The following PLB1 variants were observed in gnomAD, a reference collection of about 807,000 sequenced individuals.
PLB1 encodes the protein phospholipase B1, membrane-associated.
PLB1 carries 242 observed loss-of-function variants against 227.4 expected under a neutral mutation model. The observed-to-expected ratio is 1.06, with a 90% confidence interval of 0.96 to 1.18. The LOEUF is 1.18. PLB1 is among the 50% of genes most tolerant of loss of function. The pLI is 0.00. For synonymous variants in PLB1, 757 were observed against 682.2 expected, an observed-to-expected ratio of 1.11 and a Z score of -1.71; for missense variants, 1,858 against 1,816.3, an observed-to-expected ratio of 1.02 and a Z score of -0.42.
intron 43 of PLB1, among the ~76,000 whole-genome samples, chr2:28,610,181 G>A (rs766970845): frequency 4.1e-4 from 63 of 152,074 alleles, no homozygotes; most frequent in Non-Finnish European, 6.8e-4. Flanking sequence ...GTGCCATGGT[G>A]GTTTGCTGTA....
chr2:28,613,290 G>A (rs1232031419), intron 43 of PLB1, among the ~76,000 whole-genome samples: 6 of 152,196 alleles, frequency 3.9e-5, no homozygotes, highest in Admixed American at 3.9e-4. Flanking sequence ...ACTCCACTGA[G>A]CACATTTTGT....
At chr2:28,636,677 C>A (rs1689399248) in intron 56 of PLB1, among the ~76,000 whole-genome samples, 1 of 152,118 alleles carries the variant, frequency 6.6e-6, no homozygotes, top group Non-Finnish European at 1.5e-5. Flanking sequence ...AAACAAAAAT[C>A]AAGCAGGGTG....
At chr2:28,518,786 G>C (rs1257029278) in intron 3 of PLB1, among the ~76,000 whole-genome samples, 1 of 152,172 alleles carries the variant, frequency 6.6e-6, no homozygotes, top group African/African-American at 2.4e-5. Flanking sequence ...GTGAGTTAGA[G>C]CTTGGCCATT....
rs185827097 is a variant in PLB1 at position 28,609,950 on chromosome 2, C to T, written c.3129+3383C>T. On this transcript the variant is annotated intron_variant, in intron 43 of 57. Transcript: ENST00000327757. ...CTAGTCGCACCTTCCCACCATGAAACAATAGACTTATGTAATCTTAGGTTC... is the reference window on the plus strand; with the variant it reads ...CTAGTCGCACCTTCCCACCATGAAATAATAGACTTATGTAATCTTAGGTTC... 2.8e-3 allele frequency among the ~76,000 whole-genome samples: 430 copies of T among 152,236 alleles called. 1 individual carries two copies. Among genetic ancestry groups the T allele is most frequent in the African/African-American group, 9.8e-3 (406 of 41,546 alleles).
chr2:28,553,701 G>A (rs549512078), intron 17 of PLB1, among the ~76,000 whole-genome samples: 1 of 152,174 alleles, frequency 6.6e-6, no homozygotes, highest in Admixed American at 6.5e-5. Flanking sequence ...GTCCTAAAGG[G>A]GGGGGACTCA....
In PLB1 at chr2:28,604,874, G is replaced by A. The variant is rs80329325; in HGVS notation, c.2961+115G>A. 1,105 of 966,000 alleles carry A rather than the reference G, an allele frequency of 1.1e-3. 10 individuals are homozygous for A. In the African/African-American group the frequency reaches 0.016, roughly 14 times the overall value. 59.8% of individuals were successfully genotyped at this position (966,000 alleles called of 1,614,324 possible). On this transcript the variant is annotated intron_variant, in intron 41 of 57. Transcript: ENST00000327757. ...ATGGGAAAGACACAGCTCTCCAGAC[G>A]CTGTGCTGGCAGGTGCAGGCTCCCT...
chr2:28,609,578 C>G (rs1685152355), intron 43 of PLB1, among the ~76,000 whole-genome samples: 1 of 152,144 alleles, frequency 6.6e-6, no homozygotes, highest in South Asian at 2.1e-4. Flanking sequence ...ATATAAGTGA[C>G]ATTGTTATCT....
Position 28,543,203 on chromosome 2 carries a change from C to G in PLB1, c.880-9C>G. 6.2e-7 allele frequency: 1 copy of G among 1,606,820 alleles called. No homozygotes were observed. The highest frequency in any genetic ancestry group is 8.5e-7 in the Non-Finnish European group (1 of 1,176,978). On this transcript the variant is annotated splice_polypyrimidine_tract_variant and intron_variant, in intron 13 of 57. Coordinates refer to ENST00000327757, the MANE Select transcript of PLB1 (RefSeq NM_153021.5). ...CAAAAGGTCCCGCTGTCAACTGGTT[C>G]TCTTTTAGGAGGACCCCCGACTCCA...
intron 43 of PLB1, among the ~76,000 whole-genome samples, chr2:28,610,641 A>C (rs2148313370): frequency 6.6e-6 from 1 of 152,198 alleles, no homozygotes; most frequent in Non-Finnish European, 1.5e-5. Context: ...GGCCCCTTGT[A>C]AGGTGGTGAC....
chr2:28,614,637 C>T (rs1034485001), intron 44 of PLB1, among the ~76,000 whole-genome samples: 16 of 152,220 alleles, frequency 1.1e-4, no homozygotes, highest in African/African-American at 3.6e-4. Flanking sequence ...ACTGCAAAGA[C>T]GGCCTGGAGG....
At chr2:28,562,558 A>AAAAAAAAAG (rs1261725245) in intron 17 of PLB1, among the ~76,000 whole-genome samples, 1,696 of 146,988 alleles carry the variant, frequency 0.012, 88 homozygotes, top group Admixed American at 0.015. Context: ...AAAAAAAAAA[A>AAAAAAAAAG]AGTCAGTGGC....
chr2:28,499,419 A>G (rs1666827758), intron 1 of PLB1, among the ~76,000 whole-genome samples: 1 of 152,040 alleles, frequency 6.6e-6, no homozygotes, highest in Admixed American at 6.5e-5. Flanking sequence ...CCAACCTAAC[A>G]CACATAATCC....
chr2:28,613,190 G>A (rs773813210), intron 43 of PLB1, among the ~76,000 whole-genome samples: 1 of 152,138 alleles, frequency 6.6e-6, no homozygotes, highest in Non-Finnish European at 1.5e-5. Flanking sequence ...CTCCCAAAAC[G>A]CTGGGAATAC....
At chr2:28,531,916 T>G (rs1671063012) in intron 8 of PLB1, among the ~76,000 whole-genome samples, 192 bp from the exon 9 acceptor site, 1 of 152,140 alleles carries the variant, frequency 6.6e-6, no homozygotes. Context: ...AAAAAAAAGT[T>G]TTGGATATAT....
chr2:28,585,736 G>C (rs1187547824), intron 25 of PLB1, 25 bp from the exon 26 acceptor site: 1 of 1,546,064 alleles, frequency 6.5e-7, no homozygotes, highest in African/African-American at 1.4e-5. Context: ...GTGGGATGAG[G>C]GTTTCTCTTT....
intron 17 of PLB1, among the ~76,000 whole-genome samples, chr2:28,558,877 A>C (rs916229215): frequency 3.3e-5 from 5 of 152,148 alleles, no homozygotes; most frequent in African/African-American, 7.2e-5. Context: ...TACACACAGG[A>C]GAAACAACTC....
intron 9 of PLB1, among the ~76,000 whole-genome samples, chr2:28,533,900 T>C (rs1427177732): frequency 1.3e-5 from 2 of 152,230 alleles, no homozygotes; most frequent in Non-Finnish European, 2.9e-5. Flanking sequence ...TTTTTAGTTA[T>C]GCAAGCAATA....
chr2:28,609,739 T>G (rs904925167), intron 43 of PLB1, among the ~76,000 whole-genome samples: 2 of 152,016 alleles, frequency 1.3e-5, no homozygotes, highest in African/African-American at 4.8e-5. Flanking sequence ...CCTTAGGAGT[T>G]CTCTATTTCT....
At chr2:28,502,569 G>A (rs900946716) in intron 1 of PLB1, among the ~76,000 whole-genome samples, 2 of 152,098 alleles carry the variant, frequency 1.3e-5, no homozygotes, top group African/African-American at 2.4e-5. Flanking sequence ...ACCCATTGCT[G>A]GCGTAAAATC....
Sources: allele counts gnomAD v4.1 joint callset (sites outside exome capture counted in the v4.1 genomes callset), GRCh38; gene constraint gnomAD v4.1.1; transcripts MANE v1.5; gene names NCBI Gene and HGNC (gene_info 2026-07-23, HGNC 2026-07-21).